PTPRK: variants seen among roughly 807,000 people sequenced by gnomAD.
PTPRK encodes the protein protein tyrosine phosphatase receptor type K, also known as receptor-type tyrosine-protein phosphatase kappa.
A neutral mutation model predicts 178.0 loss-of-function variants in PTPRK; 75 were observed. The ratio of observed to expected loss-of-function variants is 0.42; its 90% confidence interval spans 0.35 to 0.51. The LOEUF (loss-of-function observed/expected upper bound fraction) is 0.51. PTPRK is among the 20% of genes least tolerant of loss of function. PTPRK has a pLI of 0.02. For synonymous variants in PTPRK, 637 were observed against 620.6 expected (o/e 1.03, Z -0.39); for missense variants, 1,441 against 1,797.8 (o/e 0.80, Z 3.59).
At chr6:128,293,500 G>C (rs1823755526) in intron 3 of PTPRK, among the ~76,000 whole-genome samples, 1 of 151,996 alleles carries the variant, frequency 6.6e-6, no homozygotes, top group Admixed American at 6.6e-5. Flanking sequence ...CTTAATAGAG[G>C]ATACATTCAA....
chr6:128,444,909 TG>T lies in PTPRK; in HGVS notation c.101-47222del, dbSNP rs1393217040. On this transcript the variant is annotated intron_variant, in intron 1 of 29. Coordinates refer to ENST00000368226, the MANE Select transcript of PTPRK (RefSeq NM_002844.4). ...TAAGAATTTGAGTCTCAACACTTCA[TG>T]TATAAAATAGTTCATTGGACTGCTA... is the stretch of plus-strand genomic sequence containing the variant. 2.0e-5 allele frequency among the ~76,000 whole-genome samples: 3 copies of T among 152,148 alleles called. No individual in the cohort carries two copies. The East Asian group carries it at 5.8e-4, about 29-fold the overall frequency.
intron 27 of PTPRK, among the ~76,000 whole-genome samples, chr6:127,975,268 T>A (rs895061009): frequency 1.3e-5 from 2 of 152,034 alleles, no homozygotes; most frequent in African/African-American, 4.8e-5. Context: ...AGCAGTTCTG[T>A]TTTTTTCCAA....
intron 7 of PTPRK, among the ~76,000 whole-genome samples, chr6:128,152,976 C>A (rs906771007): frequency 6.6e-6 from 1 of 151,888 alleles, no homozygotes; most frequent in South Asian, 2.1e-4. Flanking sequence ...GACTCTGTAA[C>A]ACCTCTTTTT....
intron 6 of PTPRK, among the ~76,000 whole-genome samples, chr6:128,212,335 T>C (rs574038929): frequency 2.8e-4 from 42 of 152,154 alleles, no homozygotes; most frequent in African/African-American, 9.9e-4. Context: ...GATTTTTCAA[T>C]GAAGTTGCAA....
chr6:128,073,561 G>C (rs1470751401), intron 11 of PTPRK, among the ~76,000 whole-genome samples: 1 of 151,954 alleles, frequency 6.6e-6, no homozygotes, highest in East Asian at 1.9e-4. Flanking sequence ...GTAGCTCAAA[G>C]CAACAAACAT....
chr6:128,496,384 C>T (rs1854664614), intron 1 of PTPRK, among the ~76,000 whole-genome samples: 1 of 152,146 alleles, frequency 6.6e-6, no homozygotes, highest in Non-Finnish European at 1.5e-5. Context: ...TAAAATTCCA[C>T]CTCTGATTAT....
intron 1 of PTPRK, among the ~76,000 whole-genome samples, chr6:128,517,627 A>G (rs1239155727): frequency 1.3e-5 from 2 of 152,204 alleles, no homozygotes; most frequent in African/African-American, 4.8e-5. Flanking sequence ...AAAAGTCACA[A>G]TAATGAAAAC....
At chr6:128,460,602 C>A (rs904378168) in intron 1 of PTPRK, among the ~76,000 whole-genome samples, 7 of 151,920 alleles carry the variant, frequency 4.6e-5, no homozygotes, top group African/African-American at 1.7e-4. Context: ...TAAAGATAAA[C>A]AGAGTTGCCA....
At chr6:128,407,079 G>A (rs975568455) in intron 1 of PTPRK, among the ~76,000 whole-genome samples, 3 of 152,092 alleles carry the variant, frequency 2.0e-5, no homozygotes, top group African/African-American at 7.2e-5. Flanking sequence ...ACTTAGAAAC[G>A]TGTGTCAATT....
At chr6:128,245,283 A>G (rs1208056514) in intron 3 of PTPRK, among the ~76,000 whole-genome samples, 2 of 152,324 alleles carry the variant, frequency 1.3e-5, no homozygotes, top group East Asian at 3.9e-4. Flanking sequence ...GACACAGAGT[A>G]TTTCATTTAA....
intron 18 of PTPRK, 130 bp downstream of exon 18, chr6:127,995,331 AG>A: frequency 6.4e-7 from 1 of 1,570,108 alleles, no homozygotes; most frequent in Non-Finnish European, 8.7e-7. Flanking sequence ...ACTAGGACGC[AG>A]AACAAGGAAA....
chr6:128,317,749 A>G (rs1828211063), intron 3 of PTPRK, among the ~76,000 whole-genome samples: 1 of 152,154 alleles, frequency 6.6e-6, no homozygotes, highest in South Asian at 2.1e-4. Flanking sequence ...AATGGCACCA[A>G]GAGCCATGTT....
At chr6:128,147,221 A>C (rs1249379620) in intron 7 of PTPRK, among the ~76,000 whole-genome samples, 5 of 152,190 alleles carry the variant, frequency 3.3e-5, no homozygotes, top group Non-Finnish European at 5.9e-5. Flanking sequence ...TTTATGAATA[A>C]AGATGACAAT....
chr6:128,015,212 A>G (rs1420165685), intron 13 of PTPRK, among the ~76,000 whole-genome samples: 2 of 151,788 alleles, frequency 1.3e-5, no homozygotes, highest in Non-Finnish European at 2.9e-5. Context: ...AATACTTTTT[A>G]AGAAAGCAAT....
chr6:128,192,990 C>T (rs909480743), intron 6 of PTPRK, among the ~76,000 whole-genome samples: 2 of 151,764 alleles, frequency 1.3e-5, no homozygotes, highest in Non-Finnish European at 2.9e-5. Flanking sequence ...CTACCTAGTC[C>T]ACATTTTAAA....
intron 3 of PTPRK, among the ~76,000 whole-genome samples, chr6:128,264,711 G>A (rs774256057): frequency 9.2e-5 from 14 of 152,048 alleles, no homozygotes; most frequent in Non-Finnish European, 1.8e-4. Flanking sequence ...CTTGCTAGGT[G>A]TTAATATGGT....
intron 2 of PTPRK, among the ~76,000 whole-genome samples, chr6:128,359,606 G>A (rs547358330): frequency 6.6e-6 from 1 of 151,966 alleles, no homozygotes; most frequent in South Asian, 2.1e-4. Flanking sequence ...ACAAAAAGTA[G>A]CCAGGTGTGG....
In PTPRK at chr6:128,305,563, A is replaced by G. The variant is rs544340916; in HGVS notation, c.495+16476T>C. Among the ~76,000 whole-genome samples the G allele has an allele frequency of 3.5e-4, 53 of 152,326 alleles. 1 individual carries two copies. The South Asian group carries it at 0.011, about 32-fold the overall frequency. ...GAAAAGAAATCAAGAAAACAAATAGAAATGAAACATTTATAGTTAACATTT... is the reference window on the plus strand; with the variant it reads ...GAAAAGAAATCAAGAAAACAAATAGGAATGAAACATTTATAGTTAACATTT... On this transcript the variant is annotated intron_variant, in intron 3 of 29. Transcript: ENST00000368226.
chr6:128,516,042 T>G (rs139131881), intron 1 of PTPRK, among the ~76,000 whole-genome samples: 193 of 152,322 alleles, frequency 1.3e-3, no homozygotes, highest in African/African-American at 4.5e-3. Context: ...GTGGGAATGT[T>G]GGCATTAGCT....
Sources: allele counts gnomAD v4.1 joint callset (sites outside exome capture counted in the v4.1 genomes callset), GRCh38; gene constraint gnomAD v4.1.1; transcripts MANE v1.5; gene names NCBI Gene and HGNC (gene_info 2026-07-23, HGNC 2026-07-21).